The following PTPN13 variants were observed in gnomAD, a reference collection of about 807,000 sequenced individuals.
PTPN13 encodes the protein protein tyrosine phosphatase non-receptor type 13.
A neutral mutation model predicts 284.0 loss-of-function variants in PTPN13; 191 were observed. The observed-to-expected ratio is 0.67, with a 90% confidence interval of 0.60 to 0.76. The LOEUF is 0.76. Ranked by LOEUF, PTPN13 falls within the 30% of genes least tolerant of loss-of-function variation. The pLI is 0.00. For synonymous variants in PTPN13, 986 were observed against 1,022.3 expected, an observed-to-expected ratio of 0.96 and a Z score of 0.68; for missense variants, 2,797 against 2,939.9, an observed-to-expected ratio of 0.95 and a Z score of 1.12.
At chr4:86,776,999 G>A (rs1014700122) in intron 35 of PTPN13, among the ~76,000 whole-genome samples, 1 of 152,164 alleles carries the variant, frequency 6.6e-6, no homozygotes, top group African/African-American at 2.4e-5. Flanking sequence ...TACCCATGAG[G>A]CATAGAACTA....
intron 4 of PTPN13, 89 bp downstream of exon 4, chr4:86,686,864 T>G: frequency 3.4e-6 from 3 of 879,722 alleles, no homozygotes; most frequent in Non-Finnish European, 5.3e-6. Context: ...TTATACGTGT[T>G]CTACAGCATG....
intron 1 of PTPN13, among the ~76,000 whole-genome samples, chr4:86,631,359 G>C (rs1722449347): frequency 6.6e-6 from 1 of 151,934 alleles, no homozygotes; most frequent in African/African-American, 2.4e-5. Context: ...ATGATCTGAA[G>C]TGCTATAACA....
Position 86,796,910 on chromosome 4 carries a change from G to A in PTPN13, c.6382G>A (p.Glu2128Lys). 1.3e-6 allele frequency: 2 copies of A among 1,486,906 alleles called. No homozygotes were observed. The highest frequency in any genetic ancestry group is 1.2e-5 in the South Asian group (1 of 83,012). 92.1% of individuals were successfully genotyped at this position (1,486,906 alleles called of 1,614,324 possible). ...GAATGGCTGTGAAGAATATTGTGAA[G>A]AAAAAGTAAAAAGTGAAAGGTGAGA... Reference protein sequence around the residue: ...KMNGCEEYCEEKVKSESLIQK... With the variant: ...KMNGCEEYCEKKVKSESLIQK... Residue 2128 changes from glutamate to lysine, a missense_variant, in exon 41 of 48, where the codon GAA becomes AAA. Glu to Lys is a moderately conservative substitution (Grantham distance 56). Coordinates refer to ENST00000411767, the MANE Select transcript of PTPN13 (RefSeq NM_080683.3).
In PTPN13 at chr4:86,732,488, C is replaced by T; in HGVS notation, c.1683+14C>T. The T allele has an allele frequency of 6.3e-7, 1 of 1,594,498 alleles. No individual in the cohort carries two copies. Among genetic ancestry groups the T allele is most frequent in the Non-Finnish European group, 8.6e-7 (1 of 1,168,090 alleles). ...CGGTCTATTCTTGTAAGTAATAAAA[C>T]CAATTTGTGTCACTCTTAGAAAATA... On this transcript the variant is annotated intron_variant, in intron 11 of 47. Transcript: ENST00000411767.
chr4:86,728,145 C>T (rs534375908), intron 10 of PTPN13, among the ~76,000 whole-genome samples: 23 of 149,388 alleles, frequency 1.5e-4, no homozygotes, highest in African/African-American at 2.9e-4. Flanking sequence ...TTCTTAATCC[C>T]GAGCTCTAAT....
At chr4:86,669,285 GTA>G (rs34939020) in intron 2 of PTPN13, among the ~76,000 whole-genome samples, 1,669 of 113,310 alleles carry the variant, frequency 0.015, 17 homozygotes, top group East Asian at 0.029. Flanking sequence ...GGAAGAAGAT[GTA>G]TATATATATA....
intron 2 of PTPN13, among the ~76,000 whole-genome samples, chr4:86,659,128 A>G (rs530023908): frequency 1.3e-5 from 2 of 152,278 alleles, no homozygotes; most frequent in Admixed American, 1.3e-4. Flanking sequence ...TAGAAATATC[A>G]TAAACATCAT....
At chr4:86,742,204 AC>A (rs1308654362) in intron 16 of PTPN13, among the ~76,000 whole-genome samples, 3 of 152,056 alleles carry the variant, frequency 2.0e-5, no homozygotes, top group Non-Finnish European at 4.4e-5. Context: ...CCAATAGTAA[AC>A]CCCCTCGTAG....
At chr4:86,779,951 A>G (rs112448084) in intron 35 of PTPN13, among the ~76,000 whole-genome samples, 36 of 152,340 alleles carry the variant, frequency 2.4e-4, no homozygotes, top group Non-Finnish European at 4.3e-4. Context: ...TTTCTAAGTT[A>G]TCTTTAAACT....
At chr4:86,696,785 T>C (rs1195437523) in intron 6 of PTPN13, among the ~76,000 whole-genome samples, 2 of 152,050 alleles carry the variant, frequency 1.3e-5, no homozygotes, top group Non-Finnish European at 2.9e-5. Context: ...TAATTACAAT[T>C]AGTCACTCAG....
intron 28 of PTPN13, among the ~76,000 whole-genome samples, chr4:86,769,115 A>G (rs1739681934): frequency 6.6e-6 from 1 of 152,044 alleles, no homozygotes; most frequent in Non-Finnish European, 1.5e-5. Context: ...TGTTCTTTTA[A>G]TTTATTTAGC....
At chr4:86,659,217 A>G (rs1328729475) in intron 2 of PTPN13, among the ~76,000 whole-genome samples, 1 of 152,166 alleles carries the variant, frequency 6.6e-6, no homozygotes, top group African/African-American at 2.4e-5. Context: ...ATTTTATTTA[A>G]TCCAATATAC....
intron 1 of PTPN13, among the ~76,000 whole-genome samples, chr4:86,614,712 C>T (rs934759177): frequency 2.0e-5 from 3 of 152,014 alleles, no homozygotes; most frequent in East Asian, 1.9e-4. Context: ...CTTGCTTACT[C>T]GAAAATCTCA....
At chr4:86,792,555 G>C (rs925374331) in intron 40 of PTPN13, among the ~76,000 whole-genome samples, 1 of 152,100 alleles carries the variant, frequency 6.6e-6, no homozygotes, top group Non-Finnish European at 1.5e-5. Flanking sequence ...ACACATAATT[G>C]TCAGATTCAC....
chr4:86,723,847 AT>A (rs1733937439), intron 10 of PTPN13, among the ~76,000 whole-genome samples: 1 of 152,094 alleles, frequency 6.6e-6, no homozygotes, highest in African/African-American at 2.4e-5. Flanking sequence ...ATCTAGAATG[AT>A]TTTTTTCTTT....
Position 86,762,947 on chromosome 4 carries a change from A to C in PTPN13, c.3774A>C (p.Gln1258His). ...GGACTGAGAGTGCCAGCTTGTCTCA[A>C]AGCCAGGTCAATGGTTTCTTTGCCA... ...DSRTESASLSQSQVNGFFASH... is the reference protein window; with the variant it reads ...DSRTESASLSHSQVNGFFASH... Residue 1258 changes from glutamine (Q) to histidine (H), a missense_variant, in exon 24 of 48, where the codon CAA (glutamine) becomes CAC (histidine). Physicochemically the swap from Gln to His is conservative, Grantham distance 24. Coordinates refer to ENST00000411767, the MANE Select transcript of PTPN13 (RefSeq NM_080683.3). 1 of 1,613,918 alleles carries C rather than the reference A, an allele frequency of 6.2e-7. No homozygotes were observed.
intron 1 of PTPN13, among the ~76,000 whole-genome samples, chr4:86,608,683 G>A (rs987763389): frequency 2.6e-5 from 4 of 152,102 alleles, no homozygotes; most frequent in African/African-American, 9.7e-5. Flanking sequence ...CCAGCATTTT[G>A]CATCTAGGCA....
chr4:86,721,489 T>C (rs1255606483), intron 9 of PTPN13, among the ~76,000 whole-genome samples: 1 of 152,036 alleles, frequency 6.6e-6, no homozygotes, highest in Non-Finnish European at 1.5e-5. Context: ...TGATGGTGCC[T>C]TGAAGAAAAA....
At chr4:86,638,366 G>A (rs887795026) in intron 2 of PTPN13, among the ~76,000 whole-genome samples, 6 of 152,086 alleles carry the variant, frequency 3.9e-5, no homozygotes, top group East Asian at 3.8e-4. Context: ...AGCCTGCATC[G>A]CCAAGTCAGT....
Sources: allele counts gnomAD v4.1 joint callset (sites outside exome capture counted in the v4.1 genomes callset), GRCh38; gene constraint gnomAD v4.1.1; transcripts MANE v1.5; gene names NCBI Gene and HGNC (gene_info 2026-07-23, HGNC 2026-07-21).